POLM: variants seen among roughly 807,000 people sequenced by gnomAD.
POLM encodes the protein DNA-directed DNA/RNA polymerase mu.
Under a neutral mutation model 56.7 loss-of-function variants are expected in POLM, and 52 were observed. That is an observed-to-expected ratio of 0.92 (90% CI 0.73 to 1.15). The LOEUF is 1.15. Ranked by LOEUF, POLM falls within the 50% of genes most tolerant of loss-of-function variation. The pLI is 0.00. For missense variants in POLM, 660 were observed against 663.6 expected (o/e 0.99, Z 0.06); for synonymous variants, 273 against 274.3 (o/e 1.00, Z 0.05).
In POLM at chr7:44,074,016, G is replaced by A. The variant is rs970327471; in HGVS notation, c.1081C>T (p.Leu361=). Residue 361 remains leucine (L), a synonymous_variant, in exon 9 of 11, where the codon CTG becomes TTG. Coordinates refer to ENST00000242248, the MANE Select transcript of POLM (RefSeq NM_013284.4). The part of the protein sequence containing the change: ...MCRLQDQGLI[L]YHQHQHSCCE... ...CAGCTGTGCTGGTGCTGGTGGTACA[G>A]GATGAGGCCCTGTGGGGAGAGGCGG... is the stretch of plus-strand genomic sequence containing the variant. 28 of 1,613,934 alleles carry A rather than the reference G, an allele frequency of 1.7e-5. No homozygotes were observed. Among genetic ancestry groups the A allele is most frequent in the Non-Finnish European group, 2.3e-5 (27 of 1,180,050 alleles).
intron 2 of POLM, 74 bp from the exon 3 acceptor site, chr7:44,080,033 G>A (rs2096195302): frequency 9.0e-7 from 1 of 1,113,156 alleles, no homozygotes; most frequent in Non-Finnish European, 1.3e-6. Flanking sequence ...CTCAGGCTTT[G>A]TTTCTCCTGG....
chr7:44,073,164 A>T lies in POLM; in HGVS notation c.*127T>A, dbSNP rs1230874413. 1 of 1,557,978 alleles carries T rather than the reference A, an allele frequency of 6.4e-7. No individual in the cohort carries two copies. The highest frequency in any genetic ancestry group is 8.7e-7 in the Non-Finnish European group (1 of 1,151,620). The stretch of plus-strand genomic sequence containing the variant: ...CCTGCAGGCACAATTGACCTCCGGA[A>T]GAGCCAGGCCTTGGCGGGGAGGGGT... On this transcript the variant is annotated 3_prime_UTR_variant, in exon 11 of 11. Transcript: ENST00000242248.
At chr7:44,078,269 C>A (rs1023231767) in intron 5 of POLM, 5 of 165,408 alleles carry the variant, frequency 3.0e-5, no homozygotes, top group Admixed American at 5.8e-5. Context: ...TTGAGACCAG[C>A]TTAGGCAACA....
chr7:44,074,491 C>G lies in POLM; in HGVS notation c.875G>C (p.Arg292Pro). Residue 292 changes from arginine to proline, a missense_variant, in exon 7 of 11, where the codon CGG becomes CCG. Arg to Pro is a moderately radical substitution (Grantham distance 103). Coordinates refer to ENST00000242248, the MANE Select transcript of POLM (RefSeq NM_013284.4). ...HHQDLSTPVL[R>P]SDVDALQQVV... ...CTGCTGCAGGGCATCTACATCGGAC[C>G]GCAGGACTGGGGTGCTCAGGTCCTG... The G allele has an allele frequency of 1.3e-6, 2 of 1,598,214 alleles. No individual in the cohort carries two copies. The highest frequency in any genetic ancestry group is 1.7e-6 in the Non-Finnish European group (2 of 1,172,966).
rs752951102 is a variant in POLM, at chr7:44,078,602, C to T, written c.714+138G>A. The T allele has an allele frequency of 2.7e-5, 19 of 699,446 alleles. No individual in the cohort carries two copies. The South Asian group carries it at 3.2e-4, about 12-fold the overall frequency. 43.3% of individuals were successfully genotyped at this position (699,446 alleles called of 1,614,324 possible). A position where few individuals can be genotyped will look rare whatever the true frequency, so the allele number is the denominator to read the frequency against. On this transcript the variant is annotated intron_variant, in intron 5 of 10. Transcript: ENST00000242248. ...GCATATCAGGTATCAGCTTAGCTGC[C>T]ACTTCCTCGGCAAGACCTTCTCTGA...
intron 5 of POLM, among the ~76,000 whole-genome samples, chr7:44,077,868 A>AC (rs2096188025): frequency 1.3e-5 from 2 of 152,200 alleles, no homozygotes; most frequent in Non-Finnish European, 2.9e-5. Flanking sequence ...CCATGTGGCC[A>AC]CCGCTGTGAC....
At chr7:44,077,824 T>C (rs1330561808) in intron 5 of POLM, among the ~76,000 whole-genome samples, 2 of 152,148 alleles carry the variant, frequency 1.3e-5, no homozygotes, top group African/African-American at 2.4e-5. Context: ...CAAGGCCCCA[T>C]CCACCCAGGA....
rs2128799537 is a variant in POLM at position 44,073,619 on chromosome 7, A to G, written c.1398+6T>C. The G allele has an allele frequency of 6.2e-7, 1 of 1,613,950 alleles. No homozygotes were observed. The highest frequency in any genetic ancestry group is 2.2e-5 in the East Asian group (1 of 44,872). On this transcript the variant is annotated splice_donor_region_variant and intron_variant, in intron 10 of 10. Coordinates refer to ENST00000242248, the MANE Select transcript of POLM (RefSeq NM_013284.4). ...TGTTTGCTGTCCCCAGTCCCCAACAATGTACCTGCTCCGGGTCAAACAGCC... is the reference window on the plus strand; with the variant it reads ...TGTTTGCTGTCCCCAGTCCCCAACAGTGTACCTGCTCCGGGTCAAACAGCC...
rs763575036 is a variant in POLM, at chr7:44,074,194, G to T, written c.1008C>A (p.Thr336=). The T allele has an allele frequency of 4.6e-5, 73 of 1,598,750 alleles. No individual in the cohort carries two copies. The highest frequency in any genetic ancestry group is 5.5e-5 in the Non-Finnish European group (65 of 1,173,064). The part of the protein sequence containing the change: ...LQGHDVDFLI[T]HPKEGQEAGL... ...CCGCCTCCTGACCCTCCTTGGGGTG[G>T]GTGATGAGGAAGTCCACGTCATGGC... Residue 336 remains threonine, a synonymous_variant, in exon 8 of 11, where the codon ACC becomes ACA. Coordinates refer to ENST00000242248, the MANE Select transcript of POLM (RefSeq NM_013284.4).
At chr7:44,075,112 G>A (rs757487878) in intron 6 of POLM, among the ~76,000 whole-genome samples, 2 of 152,104 alleles carry the variant, frequency 1.3e-5, no homozygotes, top group South Asian at 2.1e-4. Flanking sequence ...GGGCAGTGGC[G>A]CAATCTGAGC....
chr7:44,074,589 T>A, intron 6 of POLM, 59 bp from the exon 7 acceptor site: 2 of 1,481,768 alleles, frequency 1.3e-6, no homozygotes, highest in South Asian at 2.8e-5. Flanking sequence ...CGAGCCCCCA[T>A]CCCTCACCAG....
rs2128799573 is a variant in POLM, at chr7:44,073,646, A to C, written c.1377T>G (p.His459Gln). 1.2e-6 allele frequency: 2 copies of C among 1,613,988 alleles called. No homozygotes were observed. Among genetic ancestry groups the C allele is most frequent in the African/African-American group, 1.3e-5 (1 of 75,038 alleles). Reference protein sequence around the residue: ...RKEKGLWLNSHGLFDPEQKTF... With the variant: ...RKEKGLWLNSQGLFDPEQKTF... The stretch of plus-strand genomic sequence containing the variant: ...GTACCTGCTCCGGGTCAAACAGCCC[A>C]TGGCTGTTCAGCCACAGGCCCTTCT... Residue 459 changes from histidine to glutamine, a missense_variant, in exon 10 of 11, where the codon CAT becomes CAG. His to Gln is a conservative substitution (Grantham distance 24). Transcript: ENST00000242248.
rs777407657 is a variant in POLM at position 44,078,760 on chromosome 7, C to A, written c.694G>T (p.Glu232Ter). 6.8e-6 allele frequency: 11 copies of A among 1,614,102 alleles called. No individual in the cohort carries two copies. The highest frequency in any genetic ancestry group is 9.3e-6 in the Non-Finnish European group (11 of 1,179,980). ...CGCACCTTCATGGTCTGGTACCTCT[C>A]TGAGCGCCGAACTCTCTCCACCTCC... ...CEEVERVRRS[E>*]RYQTMKLFTQ... Residue 232 changes from glutamate (E) to a stop codon, truncating the protein, a stop_gained, in exon 5 of 11, where the codon GAG becomes TAG. Transcript: ENST00000242248. LOFTEE classifies it high-confidence loss of function.
At chr7:44,080,939 AAGG>A (rs1586027929) in intron 1 of POLM, 23 bp from the exon 2 acceptor site, 1 of 1,540,234 alleles carries the variant, frequency 6.5e-7, no homozygotes, top group Non-Finnish European at 8.7e-7. Context: ...GTTGGGAGAG[AAGG>A]AGGAGGGTGA....
rs2096172025 is a variant in POLM, at chr7:44,072,785, C to G, written c.*506G>C. On this transcript the variant is annotated 3_prime_UTR_variant, in exon 11 of 11. Transcript: ENST00000242248. Reference sequence around the variant, plus strand: ...TCTCCCTCTCCAGATGCCTACAGCACACCAGACAGTAGGCTCCTTGCTGGC... The same window carrying G: ...TCTCCCTCTCCAGATGCCTACAGCAGACCAGACAGTAGGCTCCTTGCTGGC... The G allele has an allele frequency of 3.2e-6, 1 of 310,010 alleles. No individual in the cohort carries two copies. Among genetic ancestry groups the G allele is most frequent in the Non-Finnish European group, 6.0e-6 (1 of 167,424 alleles). The allele number at this position is 310,010 out of a possible 1,614,324, so 19.2% of individuals were successfully genotyped here.
At chr7:44,081,154 T>C (rs1473933920) in intron 1 of POLM, among the ~76,000 whole-genome samples, 1 of 152,208 alleles carries the variant, frequency 6.6e-6, no homozygotes, top group Non-Finnish European at 1.5e-5. Context: ...AGCCCAGTCT[T>C]GTGCTCTCTC....
intron 5 of POLM, chr7:44,078,178 T>C (rs754030417): frequency 6.5e-6 from 1 of 154,826 alleles, no homozygotes; most frequent in Admixed American, 6.3e-5. Context: ...TCAAAAACAG[T>C]CAAGGCAGAG....
Position 44,074,542 on chromosome 7 carries a change from ACCGGC to A in POLM, c.836-17_836-13del. ...GTGGTGCTGGAGCCCTGGGGGCAAC[ACCGGC>A]CCTCCTGACTCACCCAGCCTGCCCA... On this transcript the variant is annotated splice_polypyrimidine_tract_variant and intron_variant, in intron 6 of 10. Transcript: ENST00000242248. 1 of 1,545,116 alleles carries A rather than the reference ACCGGC, an allele frequency of 6.5e-7. No individual in the cohort carries two copies. Among genetic ancestry groups the A allele is most frequent in the Non-Finnish European group, 8.8e-7 (1 of 1,142,448 alleles).
At chr7:44,079,067 G>C (rs1314432899) in intron 4 of POLM, among the ~76,000 whole-genome samples, 1 of 152,210 alleles carries the variant, frequency 6.6e-6, no homozygotes, top group Non-Finnish European at 1.5e-5. Flanking sequence ...TGGAGTTACA[G>C]CAGCTGAGAT....
Sources: allele counts gnomAD v4.1 joint callset (sites outside exome capture counted in the v4.1 genomes callset), GRCh38; gene constraint gnomAD v4.1.1; transcripts MANE v1.5; gene names NCBI Gene and HGNC (gene_info 2026-07-23, HGNC 2026-07-21).